The following RAB2A variants were observed in gnomAD, a reference collection of about 807,000 sequenced individuals.
RAB2A encodes RAB2A, member RAS oncogene family.
Under a neutral mutation model 32.5 loss-of-function variants are expected in RAB2A, and 7 were observed. The ratio of observed to expected loss-of-function variants is 0.22; its 90% CI spans 0.12 to 0.40. The LOEUF is 0.40. Ranked by LOEUF, RAB2A falls within the 10% of genes least tolerant of loss-of-function variation. The probability of loss-of-function intolerance (pLI) is 1.00; values close to 1 mark genes in which losing one functional copy is unlikely to be tolerated. For missense variants in RAB2A, 108 were observed against 260.7 expected (o/e 0.41, Z 4.03); for synonymous variants, 79 against 85.2 (o/e 0.93, Z 0.40).
intron 1 of RAB2A, among the ~76,000 whole-genome samples, chr8:60,521,960 G>A (rs551238464): frequency 2.5e-4 from 38 of 152,264 alleles, no homozygotes; most frequent in African/African-American, 8.4e-4. Context: ...TGGAGCATTG[G>A]TTCACATGCA....
chr8:60,518,741 A>T (rs935232265), intron 1 of RAB2A, among the ~76,000 whole-genome samples: 1 of 152,090 alleles, frequency 6.6e-6, no homozygotes, highest in Non-Finnish European at 1.5e-5. Context: ...TAAACTTTAA[A>T]AGAAAAATGC....
Position 60,623,591 on chromosome 8 carries a change from TTA to T in RAB2A, c.*2824_*2825del, listed in dbSNP as rs1231300680. Reference sequence around the variant, plus strand: ...ATTTCTCAGAGTTTAGATGTGTGCTTTATGTTTACATTAAAATAAAGCCTAAC... The same window carrying T: ...ATTTCTCAGAGTTTAGATGTGTGCTTTGTTTACATTAAAATAAAGCCTAAC... On this transcript the variant is annotated 3_prime_UTR_variant, in exon 8 of 8. Coordinates refer to ENST00000262646, the MANE Select transcript of RAB2A (RefSeq NM_002865.3). The T allele has an allele frequency of 6.6e-6, 1 of 152,232 alleles. No homozygotes were observed. The highest frequency in any genetic ancestry group is 1.5e-5 in the Non-Finnish European group (1 of 68,040). The allele number at this position is 152,232 out of a possible 1,614,324, so 9.4% of individuals were successfully genotyped here. A position where few individuals can be genotyped will look rare whatever the true frequency, so the allele number is the denominator to read the frequency against.
intron 6 of RAB2A, among the ~76,000 whole-genome samples, chr8:60,608,375 A>C (rs1804271909): frequency 6.6e-6 from 1 of 151,584 alleles, no homozygotes; most frequent in Non-Finnish European, 1.5e-5. Flanking sequence ...GATACTTTTG[A>C]CTACTCTTCA....
At chr8:60,549,581 A>T (rs568826174) in intron 1 of RAB2A, among the ~76,000 whole-genome samples, 18 of 151,542 alleles carry the variant, frequency 1.2e-4, no homozygotes, top group African/African-American at 4.1e-4. Flanking sequence ...CGGCATCTGT[A>T]ATGTGGAGTG....
chr8:60,587,756 A>G (rs1314932828), intron 5 of RAB2A, among the ~76,000 whole-genome samples: 1 of 149,308 alleles, frequency 6.7e-6, no homozygotes, highest in African/African-American at 2.6e-5. Flanking sequence ...AATTTTACCT[A>G]TCAATTTAAA....
At chr8:60,546,915 T>TA (rs1263431725) in intron 1 of RAB2A, among the ~76,000 whole-genome samples, 5 of 114,176 alleles carry the variant, frequency 4.4e-5, no homozygotes, top group East Asian at 2.3e-4. Context: ...TTTTTTTTTT[T>TA]ATTGATCATT....
chr8:60,568,069 C>G (rs571121851), intron 2 of RAB2A, among the ~76,000 whole-genome samples: 1 of 152,278 alleles, frequency 6.6e-6, no homozygotes, highest in African/African-American at 2.4e-5. Context: ...AATCAGGCCA[C>G]CTTCCCTCAA....
At chr8:60,564,894 G>C (rs1808080840) in intron 2 of RAB2A, among the ~76,000 whole-genome samples, 1 of 152,166 alleles carries the variant, frequency 6.6e-6, no homozygotes, top group South Asian at 2.1e-4. Context: ...TACCTACTTA[G>C]TGGAGGAAAA....
chr8:60,565,411 C>A (rs1808093092), intron 2 of RAB2A, among the ~76,000 whole-genome samples: 1 of 115,138 alleles, frequency 8.7e-6, no homozygotes, highest in Admixed American at 8.5e-5. Context: ...AGAGCAAGAC[C>A]TGCCTCAAAA....
rs1358629421 is a variant in RAB2A, at chr8:60,622,041, T to A, written c.*1272T>A. The A allele has an allele frequency of 6.6e-6, 1 of 152,182 alleles. No homozygotes were observed. Among genetic ancestry groups the A allele is most frequent in the Non-Finnish European group, 1.5e-5 (1 of 68,028 alleles). The allele number at this position is 152,182 out of a possible 1,614,324, so 9.4% of individuals were successfully genotyped here. Reference sequence around the variant, plus strand: ...TTATGACCACCTCTTTTTTAATGTATTTTTAGTCCACTTACAGCTTTTACA... The same window carrying A: ...TTATGACCACCTCTTTTTTAATGTAATTTTAGTCCACTTACAGCTTTTACA... On this transcript the variant is annotated 3_prime_UTR_variant, in exon 8 of 8. Coordinates refer to ENST00000262646, the MANE Select transcript of RAB2A (RefSeq NM_002865.3).
intron 6 of RAB2A, among the ~76,000 whole-genome samples, chr8:60,597,911 C>T (rs1776557672): frequency 6.9e-6 from 1 of 144,056 alleles, no homozygotes; most frequent in African/African-American, 2.8e-5. Flanking sequence ...ATAGCTTTAC[C>T]CACATAAATG....
rs555405658 is a variant in RAB2A at position 60,590,640 on chromosome 8, A to G, written c.363-1218A>G. The stretch of plus-strand genomic sequence containing the variant: ...TGCTTATTGTAACATTGTTTGTAAT[A>G]ATGAAAAATTATAAATAACTTTGCC... On this transcript the variant is annotated intron_variant, in intron 5 of 7. Transcript: ENST00000262646. Among the ~76,000 whole-genome samples the G allele has an allele frequency of 1.6e-4, 24 of 148,926 alleles. 1 individual carries two copies. In the South Asian group the frequency reaches 5.0e-3, roughly 31 times the overall value.
At chr8:60,549,465 C>T (rs966275366) in intron 1 of RAB2A, among the ~76,000 whole-genome samples, 1 of 151,130 alleles carries the variant, frequency 6.6e-6, no homozygotes, top group African/African-American at 2.4e-5. Context: ...CAGCGAAACC[C>T]CGTCTCCACC....
chr8:60,616,049 A>G (rs979360583), intron 6 of RAB2A, among the ~76,000 whole-genome samples: 1 of 152,176 alleles, frequency 6.6e-6, no homozygotes, highest in African/African-American at 2.4e-5. Context: ...AGCATTATCC[A>G]AAGATTATTT....
intron 6 of RAB2A, among the ~76,000 whole-genome samples, chr8:60,609,988 A>G (rs1449085644): frequency 3.3e-5 from 5 of 149,380 alleles, no homozygotes; most frequent in Admixed American, 6.7e-5. Flanking sequence ...AAAAAAATCC[A>G]GACAAGCAAA....
chr8:60,591,791 C>T (rs1803948877), intron 5 of RAB2A, 67 bp from the exon 6 acceptor site: 1 of 1,022,986 alleles, frequency 9.8e-7, no homozygotes, highest in Admixed American at 2.1e-5. Flanking sequence ...CCATGGTACA[C>T]TTTCCACAAA....
intron 1 of RAB2A, among the ~76,000 whole-genome samples, chr8:60,543,506 ATTGGATT>A (rs1166924233): frequency 6.7e-6 from 1 of 150,284 alleles, no homozygotes; most frequent in Non-Finnish European, 1.5e-5. Context: ...GACACTTGTC[ATTGGATT>A]TAGGCCCCAC....
chr8:60,599,744 A>C (rs1804098556), intron 6 of RAB2A, among the ~76,000 whole-genome samples: 1 of 152,180 alleles, frequency 6.6e-6, no homozygotes, highest in Non-Finnish European at 1.5e-5. Context: ...CTTCCTCCTA[A>C]GTCTCACACC....
intron 2 of RAB2A, among the ~76,000 whole-genome samples, chr8:60,560,335 G>A (rs779235796): frequency 6.6e-6 from 1 of 152,100 alleles, no homozygotes; most frequent in South Asian, 2.1e-4. Flanking sequence ...GCGATCTGCC[G>A]GCCTTGGCCT....
Sources: allele counts gnomAD v4.1 joint callset (sites outside exome capture counted in the v4.1 genomes callset), GRCh38; gene constraint gnomAD v4.1.1; transcripts MANE v1.5; gene names NCBI Gene and HGNC (gene_info 2026-07-23, HGNC 2026-07-21).